DACH2: variants seen among roughly 807,000 people sequenced by gnomAD.
The protein encoded by DACH2 is dachshund family transcription factor 2, also known as dachshund homolog 2.
Under a neutral mutation model 35.8 loss-of-function variants are expected in DACH2, and 17 were observed. That is an observed-to-expected ratio of 0.48 (90% CI 0.33 to 0.71). The LOEUF (loss-of-function observed/expected upper bound fraction) is 0.71, where lower values mean the gene tolerates loss of function less well. Among genes scored for constraint, DACH2 ranks in the 30% least tolerant of loss-of-function variants. DACH2 has a pLI of 0.02. For synonymous variants in DACH2, 195 were observed against 177.3 expected, an observed-to-expected ratio of 1.10 and a Z score of -0.79; for missense variants, 469 against 472.7, an observed-to-expected ratio of 0.99 and a Z score of 0.07.
chrX:86,557,340 T>C (rs886740948), intron 3 of DACH2, among the ~76,000 whole-genome samples: 3 of 111,262 alleles, frequency 2.7e-5, no homozygotes, highest in Non-Finnish European at 3.8e-5. Flanking sequence ...AACATGTGGG[T>C]GGGCTTTTAA....
chrX:86,619,011 C>T (rs905393768), intron 3 of DACH2, among the ~76,000 whole-genome samples: 1 of 111,923 alleles, frequency 8.9e-6, no homozygotes, highest in Non-Finnish European at 1.9e-5. Context: ...CCATATAGTC[C>T]AGCTATTCAT....
intron 4 of DACH2, among the ~76,000 whole-genome samples, chrX:86,694,270 C>A (rs2041041789): frequency 8.9e-6 from 1 of 112,373 alleles, no homozygotes. Context: ...CTTTACTCCC[C>A]TGTTTAAAGT....
At chrX:86,626,414 G>T (rs2040137918) in intron 3 of DACH2, among the ~76,000 whole-genome samples, 2 of 112,528 alleles carry the variant, frequency 1.8e-5, no homozygotes, top group Non-Finnish European at 3.8e-5. Context: ...GCTTTTCCAG[G>T]CACATGGTGC....
intron 1 of DACH2, among the ~76,000 whole-genome samples, chrX:86,266,321 A>T (rs1048998047): frequency 2.7e-5 from 3 of 111,374 alleles, no homozygotes; most frequent in Non-Finnish European, 5.7e-5. Flanking sequence ...TTTCATATTC[A>T]ATTTACCTGA....
chrX:86,315,972 T>A (rs2034897255), intron 1 of DACH2, among the ~76,000 whole-genome samples: 1 of 110,561 alleles, frequency 9.0e-6, no homozygotes, highest in African/African-American at 3.3e-5. Context: ...AGTGGACTAG[T>A]GAGGAGGGGG....
chrX:86,296,819 C>G lies in DACH2; in HGVS notation c.489-80005C>G, dbSNP rs544012433. Among the ~76,000 whole-genome samples, 5 of 109,945 alleles carry G rather than the reference C, an allele frequency of 4.5e-5. No individual in the cohort carries two copies. In the South Asian group the frequency reaches 1.9e-3, roughly 42 times the overall value. ...ATTATGGTAGACCATTCTTGAGAAT[C>G]CAGGTTGTGGGGGGCATGTATAGAT... On this transcript the variant is annotated intron_variant, in intron 1 of 11. Transcript: ENST00000373125.
intron 2 of DACH2, among the ~76,000 whole-genome samples, chrX:86,437,834 TC>T (rs2037093118): frequency 9.0e-6 from 1 of 110,785 alleles, no homozygotes; most frequent in African/African-American, 3.3e-5. Context: ...TTTTTTTTTT[TC>T]TTGAAGATTT....
At chrX:86,787,276 A>C (rs1313842648) in intron 7 of DACH2, among the ~76,000 whole-genome samples, 2 of 111,937 alleles carry the variant, frequency 1.8e-5, no homozygotes, top group Admixed American at 1.9e-4. Context: ...TTGTGCTGAC[A>C]CTTTTGAGTG....
At chrX:86,300,598 A>G (rs1453022949) in intron 1 of DACH2, among the ~76,000 whole-genome samples, 1 of 110,662 alleles carries the variant, frequency 9.0e-6, no homozygotes, top group African/African-American at 3.3e-5. Context: ...TGATGAGTTA[A>G]TGGGTGCAGC....
intron 1 of DACH2, among the ~76,000 whole-genome samples, chrX:86,274,486 C>CTTTTTTTTTTT (rs1569324707): frequency 8.2e-5 from 1 of 12,176 alleles, no homozygotes; most frequent in African/African-American, 5.9e-4. Context: ...GAGACGGAGT[C>CTTTTTTTTTTT]TTTCTGTTTT....
intron 3 of DACH2, among the ~76,000 whole-genome samples, chrX:86,643,929 A>G (rs1434095344): frequency 8.9e-6 from 1 of 111,767 alleles, no homozygotes; most frequent in South Asian, 3.7e-4. Flanking sequence ...GCATGTTAAG[A>G]ACTCTCAATG....
chrX:86,416,478 G>T (rs760158680), intron 2 of DACH2, among the ~76,000 whole-genome samples: 1 of 112,117 alleles, frequency 8.9e-6, no homozygotes, highest in Non-Finnish European at 1.9e-5. Flanking sequence ...TGATCTTGCT[G>T]TTACTTAACA....
In DACH2 at chrX:86,181,089, G is replaced by A. The variant is rs755573551; in HGVS notation, c.488+31981G>A. Among the ~76,000 whole-genome samples the A allele has an allele frequency of 1.2e-4, 13 of 110,184 alleles. No homozygotes were observed. The South Asian group carries it at 2.7e-3, about 23-fold the overall frequency. On this transcript the variant is annotated intron_variant, in intron 1 of 11. Transcript: ENST00000373125. The stretch of plus-strand genomic sequence containing the variant: ...CCAAACATAGATGGTGCATTATCAT[G>A]TCATATGATTAAAAAAACCCCTAAA...
At chrX:86,533,395 A>G (rs773783168) in intron 3 of DACH2, among the ~76,000 whole-genome samples, 3 of 111,830 alleles carry the variant, frequency 2.7e-5, no homozygotes, top group Non-Finnish European at 5.6e-5. Flanking sequence ...TGTTTTTCTG[A>G]TCTTCTTTAT....
chrX:86,597,177 T>C (rs990425238), intron 3 of DACH2, among the ~76,000 whole-genome samples: 4 of 111,922 alleles, frequency 3.6e-5, no homozygotes, highest in Non-Finnish European at 7.5e-5. Context: ...AAAAGGCAAT[T>C]GCGATATTGA....
chrX:86,662,200 G>T (rs1275167281), intron 4 of DACH2, among the ~76,000 whole-genome samples: 1 of 111,706 alleles, frequency 9.0e-6, no homozygotes, highest in Admixed American at 9.5e-5. Context: ...CTAACCCTTG[G>T]CTTCTGGTCA....
At chrX:86,388,990 G>C (rs1431583010) in intron 2 of DACH2, among the ~76,000 whole-genome samples, 1 of 110,901 alleles carries the variant, frequency 9.0e-6, no homozygotes, top group Non-Finnish European at 1.9e-5. Flanking sequence ...TATGTGTTTC[G>C]GTGAGAAAGG....
chrX:86,392,616 A>G (rs1182529509), intron 2 of DACH2, among the ~76,000 whole-genome samples: 1 of 111,695 alleles, frequency 9.0e-6, no homozygotes, highest in Non-Finnish European at 1.9e-5. Context: ...GACCAAAGGC[A>G]AAGAGCTAGA....
chrX:86,695,806 C>T (rs751100147), intron 5 of DACH2, among the ~76,000 whole-genome samples: 1 of 110,952 alleles, frequency 9.0e-6, no homozygotes, highest in African/African-American at 3.3e-5. Context: ...AGCCACCACA[C>T]CCGGCCACAT....
Sources: allele counts gnomAD v4.1 joint callset (sites outside exome capture counted in the v4.1 genomes callset), GRCh38; gene constraint gnomAD v4.1.1; transcripts MANE v1.5; gene names NCBI Gene and HGNC (gene_info 2026-07-23, HGNC 2026-07-21).